The following PTER variants were observed in gnomAD, a reference collection of about 807,000 sequenced individuals.
The protein encoded by PTER is phosphotriesterase related.
A neutral mutation model predicts 29.6 loss-of-function variants in PTER; 38 were observed. The ratio of observed to expected loss-of-function variants is 1.28; its 90% CI spans 0.99 to 1.68. The LOEUF (loss-of-function observed/expected upper bound fraction) is 1.68. Among genes scored for constraint, PTER ranks in the 40% most tolerant of loss-of-function variants. The probability of loss-of-function intolerance (pLI) is 0.00; values close to 1 mark genes in which losing one functional copy is unlikely to be tolerated. For synonymous variants in PTER, 172 were observed against 154.5 expected (o/e 1.11, Z -0.84); for missense variants, 482 against 427.8 (o/e 1.13, Z -1.12).
chr10:16,488,602 TGGAGAGAG>T (rs1468550839), intron 3 of PTER, among the ~76,000 whole-genome samples: 4 of 133,514 alleles, frequency 3.0e-5, no homozygotes, highest in Admixed American at 7.6e-5. Flanking sequence ...TATATATATA[TGGAGAGAG>T]AGAGAGAGAG....
chr10:16,514,616 A>G, downstream of PTER: 1 of 1,613,828 alleles, frequency 6.2e-7, no homozygotes, highest in Non-Finnish European at 8.5e-7. Context: ...TTTGATATAG[A>G]CTTCATCTCC....
downstream of PTER, among the ~76,000 whole-genome samples, chr10:16,516,188 T>A (rs1836948847): frequency 6.6e-6 from 1 of 152,176 alleles, no homozygotes. Flanking sequence ...TAACAGGCAC[T>A]AATATAATGA....
intron 1 of PTER, among the ~76,000 whole-genome samples, chr10:16,480,092 G>A (rs1248772505): frequency 2.0e-5 from 3 of 148,828 alleles, no homozygotes; most frequent in Non-Finnish European, 4.5e-5. Flanking sequence ...TGAAACAAGG[G>A]ATGTATGATA....
At chr10:16,499,860 G>A (rs1000902366) in intron 3 of PTER, among the ~76,000 whole-genome samples, 1 of 151,590 alleles carries the variant, frequency 6.6e-6, no homozygotes, top group African/African-American at 2.4e-5. Context: ...GTATGTCTTG[G>A]TTTTTTTTAT....
chr10:16,461,898 C>G (rs886579097), intron 1 of PTER, among the ~76,000 whole-genome samples: 6 of 152,086 alleles, frequency 3.9e-5, no homozygotes, highest in Admixed American at 3.3e-4. Context: ...CAAATCATTA[C>G]CTAAAATAAC....
chr10:16,510,079 AC>A (rs1229650780), intron 4 of PTER, among the ~76,000 whole-genome samples: 2 of 152,152 alleles, frequency 1.3e-5, no homozygotes, highest in African/African-American at 2.4e-5. Context: ...GTCTAGATCC[AC>A]TTTAGAATCT....
intron 3 of PTER, among the ~76,000 whole-genome samples, chr10:16,490,171 C>G (rs1409879427): frequency 2.0e-5 from 3 of 152,120 alleles, no homozygotes; most frequent in Admixed American, 2.0e-4. Flanking sequence ...TATCACAAAG[C>G]CTATTTTATA....
At chr10:16,447,870 G>T (rs899121460) in intron 1 of PTER, among the ~76,000 whole-genome samples, 3 of 152,158 alleles carry the variant, frequency 2.0e-5, no homozygotes, top group African/African-American at 7.2e-5. Context: ...AGGGTGGCAG[G>T]ATTGGAGACC....
At chr10:16,499,015 G>C (rs1050367663) in intron 3 of PTER, among the ~76,000 whole-genome samples, 20 of 152,100 alleles carry the variant, frequency 1.3e-4, no homozygotes, top group African/African-American at 4.3e-4. Context: ...CTGGTGCCTG[G>C]GTGTTCTTAC....
At chr10:16,473,226 G>A (rs563778549) in intron 1 of PTER, among the ~76,000 whole-genome samples, 1 of 151,964 alleles carries the variant, frequency 6.6e-6, no homozygotes, top group African/African-American at 2.4e-5. Flanking sequence ...GGGAATAAAG[G>A]AGGCCTTCTG....
rs760331414 is a variant in PTER at position 16,484,710 on chromosome 10, C to A, written c.326C>A (p.Thr109Lys). The A allele has an allele frequency of 1.2e-6, 2 of 1,614,078 alleles. No homozygotes were observed. Among genetic ancestry groups the A allele is most frequent in the Admixed American group, 1.7e-5 (1 of 59,994 alleles). ...TTTGISRDTQ[T>K]LKRLAEETGV... ...ACTGGGATTAGCCGAGACACACAGA[C>A]GTTGAAGAGGCTTGCAGAAGAGACT... The change falls in exon 2 of 5, where the codon ACG (threonine) becomes AAG (lysine). Residue 109 changes from threonine to lysine, a missense_variant. Coordinates refer to ENST00000535784, the MANE Select transcript of PTER (RefSeq NM_001261836.2).
At chr10:16,507,909 T>G (rs1156901088) in intron 4 of PTER, among the ~76,000 whole-genome samples, 1 of 152,330 alleles carries the variant, frequency 6.6e-6, no homozygotes, top group African/African-American at 2.4e-5. Context: ...GCCCTAGTAG[T>G]TAGTTTATAC....
At chr10:16,476,602 G>T (rs1276856251) in intron 1 of PTER, among the ~76,000 whole-genome samples, 4 of 151,990 alleles carry the variant, frequency 2.6e-5, no homozygotes, top group Non-Finnish European at 5.9e-5. Context: ...GTTTTACTTT[G>T]TTGGCCAGGT....
intron 1 of PTER, among the ~76,000 whole-genome samples, chr10:16,444,444 T>A (rs1245483651): frequency 6.6e-6 from 1 of 152,104 alleles, no homozygotes; most frequent in Non-Finnish European, 1.5e-5. Flanking sequence ...CTGGTTTTTT[T>A]TTTTTGGACA....
At chr10:16,439,518 G>T (rs777786398) in intron 1 of PTER, among the ~76,000 whole-genome samples, 1 of 152,148 alleles carries the variant, frequency 6.6e-6, no homozygotes, top group Non-Finnish European at 1.5e-5. Context: ...TTTAAGTTGA[G>T]TAAGCAGCCC....
At chr10:16,454,795 GAAC>G (rs1477679671) in intron 1 of PTER, among the ~76,000 whole-genome samples, 1 of 151,430 alleles carries the variant, frequency 6.6e-6, no homozygotes, top group Non-Finnish European at 1.5e-5. Context: ...ATAAATAATA[GAAC>G]AATAAATACT....
intron 1 of PTER, among the ~76,000 whole-genome samples, chr10:16,462,377 A>G (rs1474082553): frequency 3.9e-5 from 6 of 152,062 alleles, no homozygotes; most frequent in Non-Finnish European, 4.4e-5. Context: ...TTCCTTTATA[A>G]GAAGTACAGT....
chr10:16,485,686 C>T (rs1023956349), intron 2 of PTER, among the ~76,000 whole-genome samples: 1 of 152,040 alleles, frequency 6.6e-6, no homozygotes, highest in African/African-American at 2.4e-5. Context: ...ATTCTTCCAA[C>T]CACTTTTAGT....
At chr10:16,453,126 G>C (rs1281537210) in intron 1 of PTER, among the ~76,000 whole-genome samples, 2 of 152,086 alleles carry the variant, frequency 1.3e-5, no homozygotes, top group Non-Finnish European at 2.9e-5. Flanking sequence ...GTGTTGCCCA[G>C]GCTGATCTTG....
Sources: allele counts gnomAD v4.1 joint callset (sites outside exome capture counted in the v4.1 genomes callset), GRCh38; gene constraint gnomAD v4.1.1; transcripts MANE v1.5; gene names NCBI Gene and HGNC (gene_info 2026-07-23, HGNC 2026-07-21).